FBXO34: variants seen among roughly 807,000 people sequenced by gnomAD.
The protein encoded by FBXO34 is F-box protein 34.
Under a neutral mutation model 24.5 loss-of-function variants are expected in FBXO34, and 12 were observed. The observed-to-expected ratio is 0.49, with a 90% CI of 0.31 to 0.79. The LOEUF is 0.79. FBXO34 is among the 30% of genes least tolerant of loss of function. The pLI is 0.04. For missense variants in FBXO34, 823 were observed against 857.7 expected, an observed-to-expected ratio of 0.96 and a Z score of 0.51; for synonymous variants, 320 against 311.9, an observed-to-expected ratio of 1.03 and a Z score of -0.27.
downstream of FBXO34, among the ~76,000 whole-genome samples, chr14:55,362,999 A>C (rs905863412): frequency 3.3e-5 from 5 of 150,584 alleles, no homozygotes; most frequent in East Asian, 7.8e-4. Context: ...TATCAATGCC[A>C]CAGGACCCCT....
intron 1 of FBXO34, among the ~76,000 whole-genome samples, chr14:55,291,529 T>C (rs1007122771): frequency 3.3e-5 from 5 of 152,174 alleles, no homozygotes; most frequent in African/African-American, 9.7e-5. Context: ...ATGTATTCTT[T>C]AGGAGTTTTT....
At chr14:55,403,266 T>C in the FBXO34 span, among the ~76,000 whole-genome samples, 1 of 152,180 alleles carries the variant, frequency 6.6e-6, no homozygotes, top group South Asian at 2.1e-4. Flanking sequence ...AGCTTTCCAT[T>C]TCTTCACTGC....
intron 1 of FBXO34, among the ~76,000 whole-genome samples, chr14:55,334,430 A>ACAGGGTAGAACCTGGGAAGTGTCC: frequency 6.6e-6 from 1 of 151,870 alleles, no homozygotes; most frequent in Admixed American, 6.6e-5. Flanking sequence ...TATCTTGAAG[A>ACAGGGTAGAACCTGGGAAGTGTCC]CAGGGTAGAA....
the FBXO34 span, among the ~76,000 whole-genome samples, chr14:55,417,373 T>C: frequency 6.7e-6 from 1 of 148,614 alleles, no homozygotes; most frequent in Non-Finnish European, 1.5e-5. Context: ...CTAAATTGGC[T>C]CCATAGTCCT....
At chr14:55,394,391 C>T in the FBXO34 span, among the ~76,000 whole-genome samples, 4 of 152,178 alleles carry the variant, frequency 2.6e-5, no homozygotes, top group South Asian at 2.1e-4. Context: ...TCTTAATATA[C>T]ATACCCAAAA....
the FBXO34 span, among the ~76,000 whole-genome samples, chr14:55,427,158 T>A: frequency 1.3e-5 from 2 of 152,140 alleles, no homozygotes; most frequent in South Asian, 4.1e-4. Flanking sequence ...CTGCAAATTA[T>A]GCCAAGATTG....
chr14:55,440,865 TTTG>T, the FBXO34 span, among the ~76,000 whole-genome samples: 15 of 152,278 alleles, frequency 9.9e-5, no homozygotes, highest in Middle Eastern at 3.4e-3. Flanking sequence ...AAAGGGATTT[TTTG>T]TTGTTGTTGT....
downstream of FBXO34, among the ~76,000 whole-genome samples, chr14:55,357,853 TA>T (rs1884543687): frequency 6.6e-6 from 1 of 152,162 alleles, no homozygotes; most frequent in South Asian, 2.1e-4. Context: ...ATCAATTAGT[TA>T]AATAAAAAAT....
In FBXO34 at chr14:55,323,017, C is replaced by CA. The variant is rs1444620301; in HGVS notation, c.-10-27348dup. 9.3e-3 allele frequency among the ~76,000 whole-genome samples: 379 copies of CA among 40,862 alleles called. 2 individuals are homozygous for CA. The highest frequency in any genetic ancestry group is 0.025 in the Middle Eastern group (2 of 80). The allele number at this position is 40,862 out of a possible 152,430, so 26.8% of individuals were successfully genotyped here. A position where few individuals can be genotyped will look rare whatever the true frequency, so the allele number is the denominator to read the frequency against. On this transcript the variant is annotated intron_variant, in intron 1 of 1. Coordinates refer to ENST00000313833, the MANE Select transcript of FBXO34 (RefSeq NM_017943.4). ...TGAAACCCCATCTCTACTAAAAATA[C>CA]AAAAAAAAAAAAAAAAGCAAAAACG...
At chr14:55,282,311 C>A (rs1420610342) in intron 1 of FBXO34, 2 of 456,026 alleles carry the variant, frequency 4.4e-6, no homozygotes, top group Non-Finnish European at 8.8e-6. Flanking sequence ...CTTTTTGACT[C>A]TGTGCTTGTG....
At chr14:55,298,775 G>C (rs952876847) in intron 1 of FBXO34, 3 of 1,587,178 alleles carry the variant, frequency 1.9e-6, no homozygotes, top group Non-Finnish European at 2.6e-6. Flanking sequence ...TCGAGCAGAG[G>C]CACGGCACCA....
chr14:55,324,998 C>G (rs1054421171), intron 1 of FBXO34, among the ~76,000 whole-genome samples: 1 of 152,328 alleles, frequency 6.6e-6, no homozygotes, highest in East Asian at 1.9e-4. Context: ...CATAAGGGCA[C>G]TAATCCTATT....
Position 55,327,611 on chromosome 14 carries a change from A to G in FBXO34, c.-10-22770A>G, listed in dbSNP as rs927810418. Reference sequence around the variant, plus strand: ...AAAAAATGTTGCTGTTTACTAAAATAGGAAAGATTTTGGAGAGTAGTACTG... The same window carrying G: ...AAAAAATGTTGCTGTTTACTAAAATGGGAAAGATTTTGGAGAGTAGTACTG... On this transcript the variant is annotated intron_variant, in intron 1 of 1. Coordinates refer to ENST00000313833, the MANE Select transcript of FBXO34 (RefSeq NM_017943.4). Among the ~76,000 whole-genome samples the G allele has an allele frequency of 7.2e-5, 11 of 152,186 alleles. No homozygotes were observed. In the East Asian group the frequency reaches 1.7e-3, roughly 24 times the overall value.
intron 1 of FBXO34, among the ~76,000 whole-genome samples, chr14:55,295,026 G>A (rs1882071883): frequency 6.6e-6 from 1 of 152,204 alleles, no homozygotes; most frequent in African/African-American, 2.4e-5. Flanking sequence ...TTGTAATAAA[G>A]TGCTGAATAT....
At chr14:55,317,049 C>T (rs1882956540) in intron 1 of FBXO34, among the ~76,000 whole-genome samples, 3 of 152,092 alleles carry the variant, frequency 2.0e-5, no homozygotes, top group African/African-American at 7.2e-5. Flanking sequence ...TTCAGTATCT[C>T]TGTGTTTCTC....
At chr14:55,412,262 T>C in the FBXO34 span, among the ~76,000 whole-genome samples, 1 of 152,204 alleles carries the variant, frequency 6.6e-6, no homozygotes, top group Non-Finnish European at 1.5e-5. Flanking sequence ...GAATTTTGGC[T>C]CACTCACCTG....
At chr14:55,432,686 C>T in the FBXO34 span, among the ~76,000 whole-genome samples, 169 of 152,298 alleles carry the variant, frequency 1.1e-3, no homozygotes, top group Non-Finnish European at 1.8e-3. Context: ...AATATCGACA[C>T]CCAGTGTCCA....
At chr14:55,313,967 A>G (rs1882840547) in intron 1 of FBXO34, among the ~76,000 whole-genome samples, 1 of 152,158 alleles carries the variant, frequency 6.6e-6, no homozygotes, top group Admixed American at 6.5e-5. Flanking sequence ...CAGTGGCATG[A>G]TCACAACTTA....
the FBXO34 span, among the ~76,000 whole-genome samples, chr14:55,424,995 A>C: frequency 6.6e-6 from 1 of 152,214 alleles, no homozygotes; most frequent in African/African-American, 2.4e-5. Context: ...CTAATGGACA[A>C]GAAATATAAG....
Sources: allele counts gnomAD v4.1 joint callset (sites outside exome capture counted in the v4.1 genomes callset), GRCh38; gene constraint gnomAD v4.1.1; transcripts MANE v1.5; gene names NCBI Gene and HGNC (gene_info 2026-07-23, HGNC 2026-07-21).